The following CRTC3 variants were observed in gnomAD, a reference collection of about 807,000 sequenced individuals.
The protein encoded by CRTC3 is CREB regulated transcription coactivator 3.
Under a neutral mutation model 74.5 loss-of-function variants are expected in CRTC3, and 26 were observed. The observed-to-expected ratio is 0.35, with a 90% CI of 0.26 to 0.48. CRTC3 has a LOEUF of 0.48. Among genes scored for constraint, CRTC3 ranks in the 20% least tolerant of loss-of-function variants. The pLI is 0.99. For missense variants in CRTC3, 760 were observed against 787.3 expected (o/e 0.97, Z 0.41); for synonymous variants, 377 against 325.8 (o/e 1.16, Z -1.69).
At chr15:90,639,447 C>CTTT (rs144912546) in intron 13 of CRTC3, among the ~76,000 whole-genome samples, 2 of 124,060 alleles carry the variant, frequency 1.6e-5, no homozygotes, top group Non-Finnish European at 3.4e-5. Context: ...GGTTCCAGAA[C>CTTT]TTTTTTTTTT....
chr15:90,632,668 G>C (rs533642652), intron 11 of CRTC3, among the ~76,000 whole-genome samples: 2 of 152,158 alleles, frequency 1.3e-5, no homozygotes, highest in South Asian at 2.1e-4. Context: ...GTAGTGGTGC[G>C]ATCTCAACTC....
Position 90,552,990 on chromosome 15 carries a change from A to G in CRTC3, c.231+12853A>G, listed in dbSNP as rs1006054729. Among the ~76,000 whole-genome samples, 11 of 152,276 alleles carry G rather than the reference A, an allele frequency of 7.2e-5. No homozygotes were observed. In the South Asian group the frequency reaches 2.1e-3, roughly 29 times the overall value. ...CAGCATGCTCTCTGCCAGCCCTGAG[A>G]CAATCTGCTTTTATCCAAATACTGT... On this transcript the variant is annotated intron_variant, in intron 2 of 14. Coordinates refer to ENST00000268184, the MANE Select transcript of CRTC3 (RefSeq NM_022769.5).
Position 90,617,821 on chromosome 15 carries a change from G to A in CRTC3, c.614-62G>A, listed in dbSNP as rs116946190. 7,903 of 1,144,606 alleles carry A rather than the reference G, an allele frequency of 6.9e-3. 144 individuals are homozygous for A. Among genetic ancestry groups the A allele is most frequent in the East Asian group, 0.067 (2,832 of 42,254 alleles). The allele number at this position is 1,144,606 out of a possible 1,614,324, so 70.9% of individuals were successfully genotyped here. The stretch of plus-strand genomic sequence containing the variant: ...GCTAGGATTATAGGCGTGAGCCACC[G>A]TGCCCGGCCTGGATTCCTGCCTTCT... On this transcript the variant is annotated intron_variant, in intron 7 of 14. Coordinates refer to ENST00000268184, the MANE Select transcript of CRTC3 (RefSeq NM_022769.5).
chr15:90,620,075 G>A, intron 9 of CRTC3: 1 of 356,616 alleles, frequency 2.8e-6, no homozygotes, highest in Non-Finnish European at 5.1e-6. Context: ...TAGAAGCAGT[G>A]TCAGAAGCAG....
chr15:90,563,126 C>T (rs1596085116), intron 2 of CRTC3, among the ~76,000 whole-genome samples: 1 of 152,256 alleles, frequency 6.6e-6, no homozygotes, highest in East Asian at 1.9e-4. Flanking sequence ...GTTAAACGGG[C>T]TGGGCATGAT....
At chr15:90,559,239 T>G (rs1256819247) in intron 2 of CRTC3, among the ~76,000 whole-genome samples, 2 of 152,166 alleles carry the variant, frequency 1.3e-5, no homozygotes, top group African/African-American at 2.4e-5. Context: ...TTCTGAGAAT[T>G]TTGTATGTAT....
chr15:90,560,491 C>T (rs564906292), intron 2 of CRTC3, among the ~76,000 whole-genome samples: 139 of 152,256 alleles, frequency 9.1e-4, no homozygotes, highest in Non-Finnish European at 1.6e-3. Context: ...GCTTACTCCA[C>T]CCTCCTCAGC....
At chr15:90,598,393 G>C in intron 3 of CRTC3, 1 of 702,134 alleles carries the variant, frequency 1.4e-6, no homozygotes, top group Non-Finnish European at 2.6e-6. Context: ...AGAAGAAGAA[G>C]AGCTGCTCCC....
intron 1 of CRTC3, 62 bp from the exon 2 acceptor site, chr15:90,539,976 CT>C: frequency 9.0e-7 from 1 of 1,113,632 alleles, no homozygotes. Context: ...AAATACTATA[CT>C]TTGATGCTTC....
Position 90,643,734 on chromosome 15 carries a change from G to T in CRTC3, c.*1594G>T, listed in dbSNP as rs944335825. 4.3e-6 allele frequency: 1 copy of T among 232,716 alleles called. No individual in the cohort carries two copies. Among genetic ancestry groups the T allele is most frequent in the Non-Finnish European group, 8.5e-6 (1 of 117,778 alleles). 14.4% of individuals were successfully genotyped at this position (232,716 alleles called of 1,614,324 possible). A position where few individuals can be genotyped will look rare whatever the true frequency, so the allele number is the denominator to read the frequency against. On this transcript the variant is annotated 3_prime_UTR_variant, in exon 15 of 15. Transcript: ENST00000268184. The stretch of plus-strand genomic sequence containing the variant: ...GGCAGAGCACTGCAGGGGGAGGGGG[G>T]GGTCTAGGCTGTGAGAGGACAGGGT...
intron 5 of CRTC3, chr15:90,606,892 G>GA (rs1373557699): frequency 6.6e-6 from 1 of 152,392 alleles, no homozygotes; most frequent in Non-Finnish European, 1.5e-5. Flanking sequence ...GAGCGAGAGT[G>GA]AAAAAACAGA....
At chr15:90,641,825 G>T in intron 14 of CRTC3, 107 bp from the exon 15 acceptor site, 1 of 850,354 alleles carries the variant, frequency 1.2e-6, no homozygotes, top group Admixed American at 1.9e-5. Flanking sequence ...TGGTCAGGAT[G>T]TGTGGGATAG....
At chr15:90,558,677 T>G (rs917720544) in intron 2 of CRTC3, among the ~76,000 whole-genome samples, 1 of 151,974 alleles carries the variant, frequency 6.6e-6, no homozygotes, top group Non-Finnish European at 1.5e-5. Context: ...CTAAATTCCC[T>G]CCACCGTCTT....
At chr15:90,623,775 T>C (rs780942793) in intron 9 of CRTC3, among the ~76,000 whole-genome samples, 33 of 151,892 alleles carry the variant, frequency 2.2e-4, no homozygotes, top group Non-Finnish European at 4.0e-4. Flanking sequence ...CAGCCTCGGG[T>C]GCTCTCTACC....
intron 6 of CRTC3, among the ~76,000 whole-genome samples, chr15:90,611,044 A>G (rs1295513239): frequency 6.6e-6 from 1 of 152,172 alleles, no homozygotes; most frequent in African/African-American, 2.4e-5. Context: ...TACAATGCAA[A>G]GAACCTTGAA....
intron 11 of CRTC3, chr15:90,634,791 G>C: frequency 7.4e-7 from 1 of 1,342,934 alleles, no homozygotes; most frequent in Non-Finnish European, 1.1e-6. Flanking sequence ...AAGGAGCGCT[G>C]CTAAAACTGT....
chr15:90,547,257 C>T (rs1397686586), intron 2 of CRTC3, among the ~76,000 whole-genome samples: 1 of 152,178 alleles, frequency 6.6e-6, no homozygotes, highest in Non-Finnish European at 1.5e-5. Flanking sequence ...CTGCTCTCAG[C>T]AATTTGCAAT....
At chr15:90,560,994 G>T (rs1596083884) in intron 2 of CRTC3, among the ~76,000 whole-genome samples, 1 of 152,098 alleles carries the variant, frequency 6.6e-6, no homozygotes, top group East Asian at 1.9e-4. Flanking sequence ...TTTTCATGTT[G>T]ATGGTCACAA....
intron 2 of CRTC3, among the ~76,000 whole-genome samples, chr15:90,588,624 C>T (rs568352717): frequency 1.8e-4 from 28 of 152,202 alleles, no homozygotes; most frequent in African/African-American, 2.6e-4. Flanking sequence ...AGCCATTCAT[C>T]CCAGGCTGCA....
Sources: allele counts gnomAD v4.1 joint callset (sites outside exome capture counted in the v4.1 genomes callset), GRCh38; gene constraint gnomAD v4.1.1; transcripts MANE v1.5; gene names NCBI Gene and HGNC (gene_info 2026-07-23, HGNC 2026-07-21).